KCTD1: variants seen among roughly 807,000 people sequenced by gnomAD.
KCTD1 encodes BTB/POZ domain-containing protein KCTD1.
KCTD1 carries 24 observed loss-of-function variants against 66.0 expected under a neutral mutation model. The observed-to-expected ratio is 0.36, with a 90% CI of 0.26 to 0.51. The LOEUF is 0.51. KCTD1 is among the 20% of genes least tolerant of loss of function. The pLI is 0.95. For synonymous variants in KCTD1, 511 were observed against 517.2 expected, an observed-to-expected ratio of 0.99 and a Z score of 0.16; for missense variants, 943 against 1,205.2, an observed-to-expected ratio of 0.78 and a Z score of 3.22.
At chr18:26,501,283 T>C (rs745992009) in intron 1 of KCTD1, 33 bp from the exon 2 acceptor site, 10 of 1,582,762 alleles carry the variant, frequency 6.3e-6, no homozygotes, top group Admixed American at 3.4e-5. Context: ...AGATACTTTT[T>C]CTCTTTACAG....
intron 1 of KCTD1, among the ~76,000 whole-genome samples, chr18:26,512,484 C>T (rs1165959687): frequency 6.6e-6 from 1 of 151,958 alleles, no homozygotes; most frequent in East Asian, 1.9e-4. Context: ...TTTATACGTA[C>T]ATGACTTACT....
intron 3 of KCTD1, among the ~76,000 whole-genome samples, chr18:26,463,526 A>T (rs561626207): frequency 4.3e-5 from 6 of 138,912 alleles, no homozygotes; most frequent in African/African-American, 1.5e-4. Flanking sequence ...AATCATTTCA[A>T]AATCTTAGAA....
At chr18:26,480,506 A>G (rs544902013) in intron 2 of KCTD1, among the ~76,000 whole-genome samples, 8 of 152,238 alleles carry the variant, frequency 5.3e-5, no homozygotes, top group Non-Finnish European at 1.2e-4. Context: ...ATGGTGGCTC[A>G]TGCCTGTAAT....
At chr18:26,511,482 T>C (rs1983325813) in intron 1 of KCTD1, among the ~76,000 whole-genome samples, 1 of 152,162 alleles carries the variant, frequency 6.6e-6, no homozygotes. Flanking sequence ...TTTCCTGAAG[T>C]CGCCCTGCAC....
intron 1 of KCTD1, among the ~76,000 whole-genome samples, chr18:26,557,212 C>CA: frequency 6.6e-6 from 1 of 152,280 alleles, no homozygotes; most frequent in South Asian, 2.1e-4. Context: ...GTTGAACTGT[C>CA]AGAGTTTGAG....
chr18:26,532,702 T>C (rs1042866035), intron 1 of KCTD1, among the ~76,000 whole-genome samples: 28 of 152,178 alleles, frequency 1.8e-4, no homozygotes, highest in African/African-American at 6.5e-4. Context: ...CAGTGCCTTA[T>C]TGTGATTATG....
At chr18:26,597,599 G>C (rs1003654162) in intron 1 of KCTD1, among the ~76,000 whole-genome samples, 43 of 151,588 alleles carry the variant, frequency 2.8e-4, no homozygotes, top group African/African-American at 6.5e-4. Context: ...TTTCCACTGA[G>C]AGAGTCTGGG....
In KCTD1 at chr18:26,455,255, G is replaced by A. The variant is rs1979991483; in HGVS notation, c.*488C>T. ...CTGGTCCCTGCCTAAAGAAAGACGT[G>A]GAACCTCCATATACAAACAAACTTG... is the stretch of plus-strand genomic sequence containing the variant. On this transcript the variant is annotated 3_prime_UTR_variant, in exon 5 of 5. Coordinates refer to ENST00000580059, the MANE Select transcript of KCTD1 (RefSeq NM_001142730.3). 1 of 152,570 alleles carries A rather than the reference G, an allele frequency of 6.6e-6. No homozygotes were observed. Among genetic ancestry groups the A allele is most frequent in the Admixed American group, 6.6e-5 (1 of 15,258 alleles). 9.5% of individuals were successfully genotyped at this position (152,570 alleles called of 1,614,324 possible).
chr18:26,488,835 A>G (rs1982046405), intron 2 of KCTD1, among the ~76,000 whole-genome samples: 1 of 152,258 alleles, frequency 6.6e-6, no homozygotes, highest in South Asian at 2.1e-4. Context: ...GGAAGCCATT[A>G]TCCAACGAGT....
Position 26,455,815 on chromosome 18 carries a change from G to A in KCTD1, c.2526C>T (p.Val842=). 1.2e-6 allele frequency: 2 copies of A among 1,614,216 alleles called. No individual in the cohort carries two copies. The highest frequency in any genetic ancestry group is 8.5e-7 in the Non-Finnish European group (1 of 1,180,050). ...GCGTCCGCCTCAGTTCCCGCCGAAG[G>A]ACGTATTCGCTGAACTGGGACGAGT... ...GVDSSQFSEY[V]LRRELRRTPR... The change falls in exon 5 of 5, where the codon GTC becomes GTT. Residue 842 remains valine (V), a synonymous_variant. Transcript: ENST00000580059.
chr18:26,586,948 G>C (rs941335115), intron 1 of KCTD1, among the ~76,000 whole-genome samples: 1 of 152,368 alleles, frequency 6.6e-6, no homozygotes, highest in African/African-American at 2.4e-5. Context: ...AGGAGCAAGT[G>C]CTGATGGAGA....
At chr18:26,486,956 A>C (rs1043198864) in intron 2 of KCTD1, among the ~76,000 whole-genome samples, 8 of 152,234 alleles carry the variant, frequency 5.3e-5, no homozygotes, top group Non-Finnish European at 7.3e-5. Context: ...ATTCAAAAAG[A>C]AAGAACTAGA....
intron 1 of KCTD1, among the ~76,000 whole-genome samples, chr18:26,513,354 T>TG (rs1983452124): frequency 6.6e-6 from 1 of 152,140 alleles, no homozygotes; most frequent in Admixed American, 6.5e-5. Flanking sequence ...CCCAAAGTGC[T>TG]GGGATTACAG....
intron 1 of KCTD1, among the ~76,000 whole-genome samples, chr18:26,656,257 G>A (rs1343711078): frequency 6.6e-6 from 1 of 151,990 alleles, no homozygotes; most frequent in Non-Finnish European, 1.5e-5. Context: ...GGGAAGAGGC[G>A]AGCGCAGCAA....
Position 26,548,345 on chromosome 18 carries a change from G to GTCCTCCTCC in KCTD1, c.183_191dup (p.Glu61_Glu63dup), listed in dbSNP as rs754124714. 5 of 1,482,512 alleles carry GTCCTCCTCC rather than the reference G, an allele frequency of 3.4e-6. No homozygotes were observed. Among genetic ancestry groups the GTCCTCCTCC allele is most frequent in the Non-Finnish European group, 4.5e-6 (5 of 1,117,686 alleles). The allele number at this position is 1,482,512 out of a possible 1,614,324, so 91.8% of individuals were successfully genotyped here. The stretch of plus-strand genomic sequence containing the variant: ...CCGTTATCTGCACCTCCTGGATCTC[G>GTCCTCCTCC]TCCTCCTCCTCCTCTTCCTCCTCCT... On this transcript the variant is annotated inframe_insertion, in exon 1 of 5. Coordinates refer to ENST00000580059, the MANE Select transcript of KCTD1 (RefSeq NM_001142730.3).
intron 3 of KCTD1, among the ~76,000 whole-genome samples, chr18:26,466,488 T>C (rs1010882524): frequency 1.3e-5 from 2 of 152,224 alleles, no homozygotes; most frequent in Admixed American, 6.5e-5. Context: ...CATTTAGCAA[T>C]GTCTGGAGAC....
intron 2 of KCTD1, among the ~76,000 whole-genome samples, chr18:26,478,293 G>C (rs912486147): frequency 2.6e-5 from 4 of 152,132 alleles, no homozygotes; most frequent in Admixed American, 2.0e-4. Context: ...AAATAGGCTC[G>C]AAAAGATGAT....
intron 1 of KCTD1, among the ~76,000 whole-genome samples, chr18:26,562,350 G>C (rs1338147730): frequency 1.4e-5 from 2 of 146,764 alleles, no homozygotes; most frequent in Admixed American, 7.2e-5. Context: ...TCCTACCTCA[G>C]TCTCCCAAGC....
intron 1 of KCTD1, among the ~76,000 whole-genome samples, chr18:26,627,382 A>G (rs1987525969): frequency 6.6e-6 from 1 of 152,032 alleles, no homozygotes; most frequent in Non-Finnish European, 1.5e-5. Context: ...TTTCGCTACC[A>G]GGGTGCATTT....
Sources: gnomAD v4.1 joint callset for allele counts (sites outside exome capture counted in the v4.1 genomes callset) on GRCh38, gnomAD v4.1.1 for gene constraint, MANE v1.5 for transcripts, NCBI Gene and HGNC (gene_info 2026-07-23, HGNC 2026-07-21) for gene names.